HNF4G: variants seen among roughly 807,000 people sequenced by gnomAD.
The protein encoded by HNF4G is hepatocyte nuclear factor 4-gamma.
Under a neutral mutation model 50.9 loss-of-function variants are expected in HNF4G, and 21 were observed. The observed-to-expected ratio is 0.41, with a 90% CI of 0.29 to 0.59. The LOEUF (loss-of-function observed/expected upper bound fraction) is 0.59. Among genes scored for constraint, HNF4G ranks in the 20% least tolerant of loss-of-function variants. The pLI is 0.26. For missense variants in HNF4G, 527 were observed against 559.4 expected (o/e 0.94, Z 0.58); for synonymous variants, 198 against 185.6 (o/e 1.07, Z -0.54).
chr8:75,461,289 C>T (rs1485420933), intron 1 of HNF4G, among the ~76,000 whole-genome samples: 1 of 152,056 alleles, frequency 6.6e-6, no homozygotes, highest in African/African-American at 2.4e-5. Context: ...CCTTTTTTAG[C>T]TTCCAGGGTC....
chr8:75,504,979 T>C (rs1464935228), intron 2 of HNF4G, among the ~76,000 whole-genome samples: 2 of 152,150 alleles, frequency 1.3e-5, no homozygotes, highest in African/African-American at 4.8e-5. Context: ...TTAATTCCAC[T>C]CATTAATATA....
intron 1 of HNF4G, among the ~76,000 whole-genome samples, chr8:75,424,644 G>T (rs934177959): frequency 3.3e-5 from 5 of 152,080 alleles, no homozygotes; most frequent in Admixed American, 2.0e-4. Context: ...GCAATAACTG[G>T]TTTTCTGTGT....
At chr8:75,499,027 A>T (rs1031246520) in intron 2 of HNF4G, among the ~76,000 whole-genome samples, 1 of 152,044 alleles carries the variant, frequency 6.6e-6, no homozygotes. Flanking sequence ...AGTTCAAACC[A>T]GGGCAACTAA....
chr8:75,506,946 T>A (rs772678713), intron 2 of HNF4G, among the ~76,000 whole-genome samples: 8 of 152,210 alleles, frequency 5.3e-5, no homozygotes, highest in Non-Finnish European at 1.2e-4. Context: ...AGAATGATAT[T>A]TATGTTTTGA....
intron 2 of HNF4G, among the ~76,000 whole-genome samples, chr8:75,496,804 C>CTATA (rs71567120): frequency 0.1 from 15,304 of 148,226 alleles, 943 homozygotes; most frequent in African/African-American, 0.18. Context: ...TACATTATTA[C>CTATA]TATATATATA....
intron 1 of HNF4G, among the ~76,000 whole-genome samples, chr8:75,441,951 G>A (rs1226346959): frequency 6.6e-6 from 1 of 152,136 alleles, no homozygotes; most frequent in Non-Finnish European, 1.5e-5. Context: ...GTATATTCAC[G>A]TGATGATTTA....
chr8:75,508,213 C>A (rs554093936), intron 2 of HNF4G, among the ~76,000 whole-genome samples: 41 of 152,042 alleles, frequency 2.7e-4, no homozygotes, highest in Non-Finnish European at 2.8e-4. Context: ...GGGCCGGGAG[C>A]TCCTTTCCTC....
intron 8 of HNF4G, 118 bp from the exon 9 acceptor site, chr8:75,560,226 C>T (rs923358518): frequency 1.1e-5 from 11 of 1,042,082 alleles, no homozygotes; most frequent in Non-Finnish European, 1.6e-5. Flanking sequence ...TTTGAATTCC[C>T]AAAAAGCACT....
chr8:75,443,439 G>C (rs1166509900), intron 1 of HNF4G, among the ~76,000 whole-genome samples: 1 of 152,022 alleles, frequency 6.6e-6, no homozygotes, highest in Admixed American at 6.6e-5. Flanking sequence ...CATATTAAAA[G>C]GATAACAAGT....
chr8:75,540,830 T>C (rs1176199750), intron 1 of HNF4G, among the ~76,000 whole-genome samples: 1 of 147,058 alleles, frequency 6.8e-6, no homozygotes, highest in Non-Finnish European at 1.5e-5. Flanking sequence ...CGAGTAATTA[T>C]GTATACTTTG....
intron 1 of HNF4G, among the ~76,000 whole-genome samples, chr8:75,460,017 T>C (rs978482634): frequency 2.0e-5 from 3 of 152,112 alleles, no homozygotes; most frequent in Admixed American, 6.6e-5. Flanking sequence ...AGATACTAAT[T>C]AACTCATGCT....
chr8:75,551,587 G>A, intron 4 of HNF4G, 93 bp downstream of exon 4: 1 of 706,018 alleles, frequency 1.4e-6, no homozygotes. Context: ...TTTCAAAGGT[G>A]CTCATTACTA....
intron 3 of HNF4G, among the ~76,000 whole-genome samples, chr8:75,549,246 T>C (rs1484609337): frequency 6.6e-6 from 1 of 152,210 alleles, no homozygotes; most frequent in Non-Finnish European, 1.5e-5. Context: ...AACAGCATAG[T>C]AGCAAGATTA....
intron 2 of HNF4G, among the ~76,000 whole-genome samples, chr8:75,508,308 A>G (rs1280253003): frequency 1.3e-5 from 2 of 151,864 alleles, no homozygotes; most frequent in Non-Finnish European, 2.9e-5. Context: ...TGCTAATCTT[A>G]TAATATCCAA....
At chr8:75,435,817 C>T (rs1811122659) in intron 1 of HNF4G, among the ~76,000 whole-genome samples, 1 of 152,182 alleles carries the variant, frequency 6.6e-6, no homozygotes, top group Non-Finnish European at 1.5e-5. Context: ...TAGTCTCGAG[C>T]TCCTGACCTC....
chr8:75,541,569 T>C (rs1806624345), intron 1 of HNF4G, among the ~76,000 whole-genome samples: 2 of 152,044 alleles, frequency 1.3e-5, no homozygotes, highest in Admixed American at 1.3e-4. Context: ...CTCAGAAATA[T>C]TAGTAAGTAG....
At chr8:75,548,354 A>C (rs2977937) in intron 3 of HNF4G, among the ~76,000 whole-genome samples, 100,977 of 151,980 alleles carry the variant, frequency 0.66, 35,399 homozygotes, top group African/African-American at 0.9. Flanking sequence ...TGAACATTGA[A>C]TGAACATCTA....
At chr8:75,557,346 A>C (rs905387428) in intron 6 of HNF4G, among the ~76,000 whole-genome samples, 2 of 152,176 alleles carry the variant, frequency 1.3e-5, no homozygotes, top group Admixed American at 6.5e-5. Context: ...TGGGCCAGGC[A>C]TGGTGGCTCA....
chr8:75,421,869 G>A (rs1272580373), intron 1 of HNF4G, among the ~76,000 whole-genome samples: 1 of 152,162 alleles, frequency 6.6e-6, no homozygotes, highest in African/African-American at 2.4e-5. Context: ...GAGCAACAGG[G>A]CATGTTTTTC....
Sources: gnomAD v4.1 joint callset for allele counts (sites outside exome capture counted in the v4.1 genomes callset) on GRCh38, gnomAD v4.1.1 for gene constraint, MANE v1.5 for transcripts, NCBI Gene and HGNC (gene_info 2026-07-23, HGNC 2026-07-21) for gene names.